The following RAPGEF6 variants were observed in gnomAD, a reference collection of about 807,000 sequenced individuals.
RAPGEF6 encodes Rap guanine nucleotide exchange factor 6, also known as PDZ domain containing guanine nucleotide exchange factor (GEF) 2.
RAPGEF6 carries 56 observed loss-of-function variants against 171.4 expected under a neutral mutation model. The ratio of observed to expected loss-of-function variants is 0.33; its 90% CI spans 0.26 to 0.41. RAPGEF6 has a LOEUF of 0.41. RAPGEF6 is among the 10% of genes least tolerant of loss of function. The probability of loss-of-function intolerance (pLI) is 1.00; values close to 1 mark genes in which losing one functional copy is unlikely to be tolerated. For synonymous variants in RAPGEF6, 692 were observed against 650.1 expected (o/e 1.06, Z -0.98); for missense variants, 1,674 against 1,921.4 (o/e 0.87, Z 2.41).
chr5:131,483,422 T>C (rs1755634637), intron 15 of RAPGEF6, among the ~76,000 whole-genome samples: 1 of 151,632 alleles, frequency 6.6e-6, no homozygotes, highest in Non-Finnish European at 1.5e-5. Flanking sequence ...TTTGTGGAGC[T>C]TGTAGCTTGT....
At chr5:131,451,864 C>T (rs1214831126) in intron 21 of RAPGEF6, among the ~76,000 whole-genome samples, 1 of 152,056 alleles carries the variant, frequency 6.6e-6, no homozygotes. Context: ...TGAAGCTATA[C>T]ACATAGGCCC....
chr5:131,521,661 T>A, intron 6 of RAPGEF6, 140 bp from the exon 7 acceptor site: 1 of 659,414 alleles, frequency 1.5e-6, no homozygotes, highest in Non-Finnish European at 2.4e-6. Flanking sequence ...AGCAAAAAGA[T>A]CTTTTGAAAT....
chr5:131,569,084 A>C (rs1031892149), intron 4 of RAPGEF6, among the ~76,000 whole-genome samples: 1 of 152,240 alleles, frequency 6.6e-6, no homozygotes, highest in African/African-American at 2.4e-5. Flanking sequence ...ATAAAAGATA[A>C]ATATATGCAG....
At chr5:131,480,271 A>C (rs1342979269) in intron 15 of RAPGEF6, among the ~76,000 whole-genome samples, 1 of 152,158 alleles carries the variant, frequency 6.6e-6, no homozygotes, top group African/African-American at 2.4e-5. Context: ...CTGAAGAACC[A>C]ACTGTGGGTC....
chr5:131,629,626 T>C (rs1228867132), intron 1 of RAPGEF6, among the ~76,000 whole-genome samples: 2 of 149,678 alleles, frequency 1.3e-5, no homozygotes, highest in African/African-American at 2.5e-5. Flanking sequence ...CATGATGGCA[T>C]GCACCTGTAG....
chr5:131,472,999 A>G (rs1754853874), intron 16 of RAPGEF6: 1 of 393,448 alleles, frequency 2.5e-6, no homozygotes, highest in Non-Finnish European at 4.6e-6. Context: ...TGTCTTATTT[A>G]GTGTCTACCA....
intron 25 of RAPGEF6, among the ~76,000 whole-genome samples, chr5:131,431,894 C>A (rs1198038092): frequency 6.6e-6 from 1 of 152,114 alleles, no homozygotes; most frequent in African/African-American, 2.4e-5. Flanking sequence ...ACTACTGCGT[C>A]CATGCATACA....
chr5:131,523,298 T>C (rs1758631508), intron 6 of RAPGEF6, among the ~76,000 whole-genome samples: 1 of 148,972 alleles, frequency 6.7e-6, no homozygotes, highest in African/African-American at 2.5e-5. Context: ...TTTTTTTTTT[T>C]TTTTTTTACA....
rs774283165 is a variant in RAPGEF6, at chr5:131,495,565, A to T, written c.1515T>A (p.Asn505Lys). 3.2e-5 allele frequency: 52 copies of T among 1,613,364 alleles called. 2 individuals are homozygous for T. The South Asian group carries it at 5.4e-4, about 17-fold the overall frequency. Residue 505 changes from asparagine to lysine, a missense_variant, in exon 13 of 28, where the codon AAT becomes AAA. By Grantham distance (94) the Asn-to-Lys change is moderately conservative. Coordinates refer to ENST00000509018, the MANE Select transcript of RAPGEF6 (RefSeq NM_016340.6). ...TTTTGAGCCTTACTGTATCTTCCAGATTTTTTTCAAATTCCTCTAGAAATC... is the reference window on the plus strand; with the variant it reads ...TTTTGAGCCTTACTGTATCTTCCAGTTTTTTTTCAAATTCCTCTAGAAATC... ...MTRFLEEFEK[N>K]LEDTKMNGHL...
intron 6 of RAPGEF6, among the ~76,000 whole-genome samples, chr5:131,527,288 A>AAAC (rs527692606): frequency 6.7e-6 from 1 of 149,454 alleles, no homozygotes; most frequent in African/African-American, 2.6e-5. Flanking sequence ...GAAAAAAACA[A>AAAC]AACAACAACA....
chr5:131,529,842 G>T (rs1182344584), intron 6 of RAPGEF6, among the ~76,000 whole-genome samples: 2 of 151,300 alleles, frequency 1.3e-5, no homozygotes, highest in Non-Finnish European at 2.9e-5. Context: ...AGGCTGCAGT[G>T]AGCCATGATT....
In RAPGEF6 at chr5:131,504,874, G is replaced by T; in HGVS notation, c.1102-96C>A. On this transcript the variant is annotated intron_variant, in intron 10 of 27. Transcript: ENST00000509018. ...GAGCACAAAGGTAAGAAATCTAGCG[G>T]CATTAGTTCTTTTTCACTTAATTCC... 6 of 1,157,426 alleles carry T rather than the reference G, an allele frequency of 5.2e-6. No homozygotes were observed. In the South Asian group the frequency reaches 1.0e-4, roughly 19 times the overall value. The allele number at this position is 1,157,426 out of a possible 1,614,324, so 71.7% of individuals were successfully genotyped here.
intron 21 of RAPGEF6, among the ~76,000 whole-genome samples, chr5:131,448,014 T>C (rs1206180852): frequency 6.6e-6 from 1 of 152,176 alleles, no homozygotes; most frequent in Non-Finnish European, 1.5e-5. Context: ...AAGTAGTAAA[T>C]CTGACAAGTT....
intron 6 of RAPGEF6, among the ~76,000 whole-genome samples, chr5:131,529,651 C>T (rs1244610723): frequency 6.6e-6 from 1 of 152,066 alleles, no homozygotes; most frequent in Admixed American, 6.5e-5. Flanking sequence ...TGGCTCATGC[C>T]TGTAATCCCA....
chr5:131,464,633 A>G (rs559578513), intron 17 of RAPGEF6, among the ~76,000 whole-genome samples: 6 of 152,288 alleles, frequency 3.9e-5, no homozygotes, highest in Non-Finnish European at 8.8e-5. Flanking sequence ...TGTATTTTAT[A>G]TATTTCAATT....
rs1185891973 is a variant in RAPGEF6, at chr5:131,441,130, T to C, written c.3610+1219A>G. Among the ~76,000 whole-genome samples the C allele has an allele frequency of 2.0e-5, 3 of 152,214 alleles. No individual in the cohort carries two copies. The East Asian group carries it at 5.8e-4, about 29-fold the overall frequency. On this transcript the variant is annotated intron_variant, in intron 23 of 27. Transcript: ENST00000509018. ...GCACATTGTAATTTCAGCATACCTG[T>C]CTTCATTCTCTGCATCTTGGAAGCT...
At chr5:131,470,840 G>A (rs1436625015) in intron 17 of RAPGEF6, among the ~76,000 whole-genome samples, 1 of 152,172 alleles carries the variant, frequency 6.6e-6, no homozygotes. Flanking sequence ...GCCATGGGTG[G>A]CAAACATGGG....
rs1755345865 is a variant in RAPGEF6 at position 131,479,770 on chromosome 5, A to C, written c.1841-17T>G. The C allele has an allele frequency of 6.2e-7, 1 of 1,600,078 alleles. No individual in the cohort carries two copies. Among genetic ancestry groups the C allele is most frequent in the Non-Finnish European group, 8.5e-7 (1 of 1,173,824 alleles). ...CTTTGAACACTGTGGAAATAAAACA[A>C]ATGCGTCATTTTATTTCTTCTCTTC... is the stretch of plus-strand genomic sequence containing the variant. On this transcript the variant is annotated splice_polypyrimidine_tract_variant and intron_variant, in intron 15 of 27. Transcript: ENST00000509018.
rs1330491409 is a variant in RAPGEF6, at chr5:131,599,249, C to G, written c.197+4022G>C. On this transcript the variant is annotated intron_variant, in intron 3 of 27. Transcript: ENST00000509018. ...GGCTGAGGCATGAGAATCGCTTGAA[C>G]CCAGGATGCAGAGGTTGCAGTGAGC... Among the ~76,000 whole-genome samples the G allele has an allele frequency of 3.9e-5, 6 of 152,212 alleles. No homozygotes were observed. In the South Asian group the frequency reaches 1.0e-3, roughly 26 times the overall value.
Sources: allele counts gnomAD v4.1 joint callset (sites outside exome capture counted in the v4.1 genomes callset), GRCh38; gene constraint gnomAD v4.1.1; transcripts MANE v1.5; gene names NCBI Gene and HGNC (gene_info 2026-07-23, HGNC 2026-07-21).